DTD1: variants seen among roughly 807,000 people sequenced by gnomAD.
The protein encoded by DTD1 is D-aminoacyl-tRNA deacylase 1.
In DTD1, 13 loss-of-function variants were observed where a neutral mutation model predicts 25.6. That is an observed-to-expected ratio of 0.51 (90% CI 0.33 to 0.81). The LOEUF (loss-of-function observed/expected upper bound fraction) is 0.81, where lower values mean the gene tolerates loss of function less well. Ranked by LOEUF, DTD1 falls within the 30% of genes least tolerant of loss-of-function variation. The pLI is 0.02. For synonymous variants in DTD1, 110 were observed against 103.6 expected (o/e 1.06, Z -0.37); for missense variants, 193 against 266.4 (o/e 0.72, Z 1.92).
chr20:18,712,476 G>T (rs1009826615), intron 4 of DTD1, among the ~76,000 whole-genome samples: 1 of 151,940 alleles, frequency 6.6e-6, no homozygotes, highest in Non-Finnish European at 1.5e-5. Context: ...CCTTGCTCCC[G>T]CAGTGGTCTC....
chr20:18,694,285 A>C (rs975108972), intron 4 of DTD1, among the ~76,000 whole-genome samples: 36 of 152,192 alleles, frequency 2.4e-4, no homozygotes, highest in African/African-American at 8.0e-4. Context: ...CAGGAGTAAG[A>C]TCCTATTCCC....
intron 4 of DTD1, 123 bp downstream of exon 4, chr20:18,628,356 C>G: frequency 1.3e-6 from 1 of 747,322 alleles, no homozygotes; most frequent in Admixed American, 2.5e-5. Context: ...TATTTTAATA[C>G]CTGCCTTCCC....
At position 18,594,802 on chromosome 20, in the gene DTD1, AG is replaced by A. The variant is rs1372404190; in HGVS notation, c.134+983del. Among the ~76,000 whole-genome samples, 4 of 152,306 alleles carry A rather than the reference AG, an allele frequency of 2.6e-5. No individual in the cohort carries two copies. In the East Asian group the frequency reaches 7.7e-4, roughly 29 times the overall value. On this transcript the variant is annotated intron_variant, in intron 2 of 5. Transcript: ENST00000377452. ...AGAGTGGTGTAATGGCTAAAAACTG[AG>A]GCTGTGGGTTTGAATGTCTTTATGG...
intron 4 of DTD1, among the ~76,000 whole-genome samples, chr20:18,673,179 TG>T (rs1465323441): frequency 6.6e-6 from 1 of 152,252 alleles, no homozygotes; most frequent in African/African-American, 2.4e-5. Flanking sequence ...ATAGCCTAGC[TG>T]TTTAATCTGT....
At chr20:18,734,508 T>G (rs7265487) in intron 4 of DTD1, among the ~76,000 whole-genome samples, 46,975 of 152,126 alleles carry the variant, frequency 0.31, 7,867 homozygotes, top group Non-Finnish European at 0.38. Context: ...GTGCCCTTTT[T>G]GGGCTTTATT....
chr20:18,623,874 C>CTG (rs55984974), intron 3 of DTD1, among the ~76,000 whole-genome samples: 21,491 of 143,608 alleles, frequency 0.15, 1,596 homozygotes, highest in Admixed American at 0.2. Flanking sequence ...ACAAGAAGAA[C>CTG]TGTGTGTGTG....
chr20:18,726,845 G>A (rs2061224151), intron 4 of DTD1, among the ~76,000 whole-genome samples: 1 of 152,236 alleles, frequency 6.6e-6, no homozygotes, highest in African/African-American at 2.4e-5. Flanking sequence ...TGGGGACACA[G>A]TGTCTTCTTA....
Position 18,742,666 on chromosome 20 carries a change from G to T in DTD1, c.478-1434G>T, listed in dbSNP as rs373995331. ...CTGTCCCCCATCTCACAGAAAAATT[G>T]TCTTCTATAAAACCGGTCCCTGGTG... On this transcript the variant is annotated intron_variant, in intron 4 of 5. Coordinates refer to ENST00000377452, the MANE Select transcript of DTD1 (RefSeq NM_080820.6). Among the ~76,000 whole-genome samples the T allele has an allele frequency of 2.6e-5, 4 of 152,140 alleles. No individual in the cohort carries two copies. The East Asian group carries it at 7.7e-4, about 29-fold the overall frequency.
At chr20:18,739,139 C>CT in intron 4 of DTD1, among the ~76,000 whole-genome samples, 1 of 152,146 alleles carries the variant, frequency 6.6e-6, no homozygotes, top group East Asian at 1.9e-4. Context: ...GCCATATTGT[C>CT]TTACTCTTGG....
chr20:18,742,896 A>G (rs1223243195), intron 4 of DTD1, among the ~76,000 whole-genome samples: 3 of 152,248 alleles, frequency 2.0e-5, no homozygotes, highest in African/African-American at 7.2e-5. Context: ...GGGAGAAGCC[A>G]GCCCTTCAAT....
chr20:18,725,115 G>A (rs940883079), intron 4 of DTD1, among the ~76,000 whole-genome samples: 1 of 152,180 alleles, frequency 6.6e-6, no homozygotes, highest in African/African-American at 2.4e-5. Flanking sequence ...GCAGAGAGTA[G>A]CAGCTCAGGG....
At chr20:18,708,136 G>T (rs1199074046) in intron 4 of DTD1, among the ~76,000 whole-genome samples, 1 of 132,052 alleles carries the variant, frequency 7.6e-6, no homozygotes, top group African/African-American at 2.9e-5. Flanking sequence ...TATAAAGAAG[G>T]TAAAATAGCT....
chr20:18,642,368 T>C (rs113236982), intron 4 of DTD1, among the ~76,000 whole-genome samples: 3 of 152,310 alleles, frequency 2.0e-5, no homozygotes, highest in African/African-American at 4.8e-5. Context: ...ATCCAGGCTG[T>C]GTCAGTAGGG....
chr20:18,646,088 T>C (rs1286597955), intron 4 of DTD1, among the ~76,000 whole-genome samples: 1 of 152,206 alleles, frequency 6.6e-6, no homozygotes, highest in African/African-American at 2.4e-5. Flanking sequence ...TCCAAGGCCC[T>C]GGGAGAGACC....
chr20:18,718,920 C>T (rs1353045336), intron 4 of DTD1, among the ~76,000 whole-genome samples: 1 of 152,232 alleles, frequency 6.6e-6, no homozygotes, highest in Non-Finnish European at 1.5e-5. Context: ...TGACTTGCCA[C>T]ACCTTCTGCC....
intron 4 of DTD1, among the ~76,000 whole-genome samples, chr20:18,686,979 GA>G (rs1215037108): frequency 6.6e-6 from 1 of 152,204 alleles, no homozygotes; most frequent in African/African-American, 2.4e-5. Flanking sequence ...ATTTAGCAGT[GA>G]ACATAGAAAG....
At chr20:18,719,768 GAC>G (rs889672082) in intron 4 of DTD1, among the ~76,000 whole-genome samples, 5 of 152,210 alleles carry the variant, frequency 3.3e-5, no homozygotes, top group Non-Finnish European at 7.3e-5. Flanking sequence ...TGTGACTTAA[GAC>G]ACTTACTTTT....
intron 5 of DTD1, among the ~76,000 whole-genome samples, chr20:18,746,073 G>T (rs1447997882): frequency 6.6e-6 from 1 of 152,204 alleles, no homozygotes; most frequent in Admixed American, 6.5e-5. Context: ...CATCCAGAAG[G>T]ATGAGGGAGG....
At chr20:18,708,179 A>G (rs1253503797) in intron 4 of DTD1, among the ~76,000 whole-genome samples, 1 of 97,092 alleles carries the variant, frequency 1.0e-5, no homozygotes. Flanking sequence ...GTGTATATAT[A>G]TATTTTATAT....
Sources: gnomAD v4.1 joint callset for allele counts (sites outside exome capture counted in the v4.1 genomes callset) on GRCh38, gnomAD v4.1.1 for gene constraint, MANE v1.5 for transcripts, NCBI Gene and HGNC (gene_info 2026-07-23, HGNC 2026-07-21) for gene names.